The following SLC25A26 variants were observed in gnomAD, a reference collection of about 807,000 sequenced individuals.
SLC25A26 encodes solute carrier family 25 member 26.
SLC25A26 carries 36 observed loss-of-function variants against 37.8 expected under a neutral mutation model. The ratio of observed to expected loss-of-function variants is 0.95; its 90% CI spans 0.73 to 1.26. SLC25A26 has a LOEUF of 1.26. SLC25A26 is among the 50% of genes most tolerant of loss of function. SLC25A26 has a pLI of 0.00. For synonymous variants in SLC25A26, 129 were observed against 122.5 expected (o/e 1.05, Z -0.35); for missense variants, 390 against 331.1 (o/e 1.18, Z -1.38).
chr3:66,362,240 A>G (rs1027417485), intron 6 of SLC25A26, among the ~76,000 whole-genome samples: 3 of 152,236 alleles, frequency 2.0e-5, no homozygotes, highest in Non-Finnish European at 4.4e-5. Context: ...CTGTATACAA[A>G]TGTTCATGGT....
chr3:66,257,589 G>C (rs2107246115), intron 3 of SLC25A26, among the ~76,000 whole-genome samples: 2 of 152,264 alleles, frequency 1.3e-5, no homozygotes, highest in Admixed American at 1.3e-4. Flanking sequence ...TCGGGCCTCT[G>C]ACTCTACCTT....
chr3:66,215,187 T>C (rs1170109085), intron 1 of SLC25A26, among the ~76,000 whole-genome samples: 1 of 152,114 alleles, frequency 6.6e-6, no homozygotes, highest in Admixed American at 6.5e-5. Flanking sequence ...GTTCTATTAT[T>C]ATTATTAATT....
chr3:66,356,059 T>C (rs747961387), intron 6 of SLC25A26: 3 of 456,194 alleles, frequency 6.6e-6, no homozygotes, highest in Non-Finnish European at 1.3e-5. Context: ...TGCTTTTGAA[T>C]AGAGCAGCTA....
chr3:66,299,700 G>A (rs187722075), intron 5 of SLC25A26, among the ~76,000 whole-genome samples: 5 of 152,218 alleles, frequency 3.3e-5, no homozygotes, highest in African/African-American at 4.8e-5. Context: ...TAAATGTCTC[G>A]AAATAAACTG....
chr3:66,139,834 C>T (rs2070008093), intron 1 of SLC25A26, among the ~76,000 whole-genome samples: 1 of 151,968 alleles, frequency 6.6e-6, no homozygotes, highest in Non-Finnish European at 1.5e-5. Flanking sequence ...GTAATGCAGA[C>T]TAGATGAAAA....
At chr3:66,365,787 T>C (rs2076810797) in intron 7 of SLC25A26, among the ~76,000 whole-genome samples, 2 of 152,178 alleles carry the variant, frequency 1.3e-5, no homozygotes, top group Non-Finnish European at 2.9e-5. Context: ...CTTCCACATC[T>C]GCACACTTCA....
At chr3:66,342,865 T>G (rs1053280115) in intron 5 of SLC25A26, among the ~76,000 whole-genome samples, 54 of 152,214 alleles carry the variant, frequency 3.5e-4, no homozygotes, top group Non-Finnish European at 2.9e-5. Context: ...CGCTCACTTA[T>G]TAGTGCCCTG....
intron 1 of SLC25A26, among the ~76,000 whole-genome samples, chr3:66,190,806 T>C (rs943779471): frequency 6.6e-6 from 1 of 152,256 alleles, no homozygotes; most frequent in South Asian, 2.1e-4. Context: ...TTCAATGATA[T>C]CTGCTTTAAC....
At chr3:66,302,898 G>A (rs939102413) in intron 5 of SLC25A26, among the ~76,000 whole-genome samples, 1 of 152,162 alleles carries the variant, frequency 6.6e-6, no homozygotes, top group Non-Finnish European at 1.5e-5. Flanking sequence ...GTGTCTCAGT[G>A]CTAGGGAGTC....
At chr3:66,217,125 C>T (rs913242537), upstream of SLC25A26, among the ~76,000 whole-genome samples, 2 of 152,152 alleles carry the variant, frequency 1.3e-5, no homozygotes, top group African/African-American at 4.8e-5. Context: ...ATGACATCAA[C>T]ACAATTTTTT....
At chr3:66,315,883 T>G (rs2075525074) in intron 5 of SLC25A26, among the ~76,000 whole-genome samples, 1 of 152,216 alleles carries the variant, frequency 6.6e-6, no homozygotes, top group African/African-American at 2.4e-5. Context: ...TTTTTGTCTT[T>G]TTTAATGTTT....
chr3:66,347,183 G>GACTACCT (rs2076346193), intron 6 of SLC25A26, among the ~76,000 whole-genome samples: 1 of 152,134 alleles, frequency 6.6e-6, no homozygotes, highest in East Asian at 1.9e-4. Context: ...AGAGCGTTCA[G>GACTACCT]ACTACCTACA....
chr3:66,275,730 T>C (rs973640697), intron 5 of SLC25A26, among the ~76,000 whole-genome samples: 32 of 152,246 alleles, frequency 2.1e-4, no homozygotes, highest in Admixed American at 1.6e-3. Context: ...TTATCATATT[T>C]ACTGCTGTCT....
chr3:66,234,808 C>G (rs1297206462), intron 1 of SLC25A26, among the ~76,000 whole-genome samples: 1 of 152,106 alleles, frequency 6.6e-6, no homozygotes, highest in Admixed American at 6.5e-5. Flanking sequence ...TTGAATAATA[C>G]TGATGATCTT....
intron 1 of SLC25A26, among the ~76,000 whole-genome samples, chr3:66,186,549 C>G (rs1293211471): frequency 6.6e-6 from 1 of 151,972 alleles, no homozygotes; most frequent in Non-Finnish European, 1.5e-5. Flanking sequence ...TGACACTGAC[C>G]CTTAACCTGA....
At chr3:66,285,822 A>G (rs1185995847) in intron 5 of SLC25A26, among the ~76,000 whole-genome samples, 1 of 152,088 alleles carries the variant, frequency 6.6e-6, no homozygotes, top group African/African-American at 2.4e-5. Context: ...AACGAACCAC[A>G]TTGCCCTTCT....
At chr3:66,316,463 A>G (rs949041830) in intron 5 of SLC25A26, among the ~76,000 whole-genome samples, 2 of 152,142 alleles carry the variant, frequency 1.3e-5, no homozygotes, top group South Asian at 2.1e-4. Context: ...TCTGGCTTGT[A>G]GGGTTTCTGC....
intron 9 of SLC25A26, chr3:66,371,153 C>A: frequency 1.4e-6 from 2 of 1,426,988 alleles, no homozygotes; most frequent in Non-Finnish European, 1.8e-6. Context: ...GTGAAGCCGC[C>A]TGAATGTTGA....
intron 5 of SLC25A26, among the ~76,000 whole-genome samples, chr3:66,296,282 T>G (rs892643692): frequency 3.3e-5 from 5 of 152,228 alleles, no homozygotes; most frequent in African/African-American, 7.2e-5. Context: ...CTAGTTGTTT[T>G]AGGATACTCA....
Sources: allele counts gnomAD v4.1 joint callset (sites outside exome capture counted in the v4.1 genomes callset), GRCh38; gene constraint gnomAD v4.1.1; transcripts MANE v1.5; gene names NCBI Gene and HGNC (gene_info 2026-07-23, HGNC 2026-07-21).